Variants in KIAA1217 observed in about 807,000 individuals in gnomAD.
The protein encoded by KIAA1217 is KIAA1217.
A neutral mutation model predicts 163.9 loss-of-function variants in KIAA1217; 88 were observed. The observed-to-expected ratio is 0.54, with a 90% CI of 0.45 to 0.64. The LOEUF (loss-of-function observed/expected upper bound fraction) is 0.64. KIAA1217 is among the 30% of genes least tolerant of loss of function. KIAA1217 has a pLI of 0.00. For synonymous variants in KIAA1217, 903 were observed against 923.1 expected (o/e 0.98, Z 0.39); for missense variants, 2,372 against 2,475.0 (o/e 0.96, Z 0.88).
Position 24,501,452 on chromosome 10 carries a change from T to C in KIAA1217, c.1908T>C (p.Pro636=), listed in dbSNP as rs747144104. The C allele has an allele frequency of 6.2e-7, 1 of 1,614,074 alleles. No individual in the cohort carries two copies. Among genetic ancestry groups the C allele is most frequent in the Non-Finnish European group, 8.5e-7 (1 of 1,179,992 alleles). Residue 636 remains proline (P), a synonymous_variant, in exon 9 of 21, where the codon CCT becomes CCC. Transcript: ENST00000376454. ...ESTVPPSQPP[P]VGTSAIHMSL... ...CGGTGCCTCCCAGCCAGCCTCCACC[T>C]GTGGGCACCTCAGCCATCCACATGA...
At chr10:24,063,737 G>A (rs1277102044) in intron 2 of KIAA1217, among the ~76,000 whole-genome samples, 1 of 152,102 alleles carries the variant, frequency 6.6e-6, no homozygotes, top group Non-Finnish European at 1.5e-5. Context: ...TGGGTAGTAT[G>A]GCCATTTTCA....
intron 1 of KIAA1217, among the ~76,000 whole-genome samples, chr10:23,941,865 TC>T (rs1843783223): frequency 6.6e-6 from 1 of 152,100 alleles, no homozygotes; most frequent in Non-Finnish European, 1.5e-5. Flanking sequence ...CAATTCTATA[TC>T]CCAAGACTAA....
chr10:24,237,420 GAATT>G (rs1342904811), intron 2 of KIAA1217, among the ~76,000 whole-genome samples: 4 of 152,182 alleles, frequency 2.6e-5, no homozygotes, highest in Admixed American at 2.0e-4. Context: ...TTTCCCATCT[GAATT>G]CTTTCTGGAC....
At chr10:24,065,231 C>T (rs536044079) in intron 2 of KIAA1217, among the ~76,000 whole-genome samples, 17 of 151,748 alleles carry the variant, frequency 1.1e-4, no homozygotes, top group South Asian at 6.2e-4. Context: ...TTAATTGTGA[C>T]GTTAGGGTGT....
At position 24,078,471 on chromosome 10, in the gene KIAA1217, C is replaced by T. The variant is rs78598701; in HGVS notation, c.-171+71097C>T. Among the ~76,000 whole-genome samples the T allele has an allele frequency of 4.2e-3, 640 of 152,290 alleles. 2 individuals are homozygous for T. Among genetic ancestry groups the T allele is most frequent in the African/African-American group, 0.015 (618 of 41,562 alleles). On this transcript the variant is annotated intron_variant, in intron 2 of 18. Transcript: ENST00000376462. ...AAAGATAAAATCCATTAGCTTTACACGGCACACTTTTCTCTTGAGTGAGAA... is the reference window on the plus strand; with the variant it reads ...AAAGATAAAATCCATTAGCTTTACATGGCACACTTTTCTCTTGAGTGAGAA...
intron 6 of KIAA1217, among the ~76,000 whole-genome samples, chr10:24,486,216 C>G (rs2065375336): frequency 6.6e-6 from 1 of 152,170 alleles, no homozygotes; most frequent in African/African-American, 2.4e-5. Context: ...GTGGAGGGGG[C>G]CAGAGTGACC....
At chr10:24,494,384 T>G in intron 6 of KIAA1217, 116 bp from the exon 7 acceptor site, 1 of 779,644 alleles carries the variant, frequency 1.3e-6, no homozygotes, top group East Asian at 2.6e-5. Context: ...CCAGGTTGGG[T>G]GAACTTCCAC....
intron 1 of KIAA1217, among the ~76,000 whole-genome samples, chr10:23,761,407 C>T (rs955668945): frequency 2.0e-5 from 3 of 152,094 alleles, no homozygotes; most frequent in Non-Finnish European, 4.4e-5. Flanking sequence ...TATAAATTTC[C>T]CTCTTAACAG....
intron 1 of KIAA1217, among the ~76,000 whole-genome samples, chr10:23,846,037 G>A (rs1839010222): frequency 6.6e-6 from 1 of 152,150 alleles, no homozygotes; most frequent in African/African-American, 2.4e-5. Context: ...AGATCAGATG[G>A]TTGTAGATGT....
At chr10:24,197,495 A>G (rs545844328) in intron 2 of KIAA1217, among the ~76,000 whole-genome samples, 12 of 152,390 alleles carry the variant, frequency 7.9e-5, no homozygotes, top group African/African-American at 2.9e-4. Context: ...TATTTGTGGT[A>G]GCACTGACCA....
intron 2 of KIAA1217, among the ~76,000 whole-genome samples, chr10:24,109,098 T>C (rs540356753): frequency 3.3e-5 from 5 of 152,192 alleles, no homozygotes; most frequent in African/African-American, 4.8e-5. Context: ...CCCAAAGTGT[T>C]GGTATTACAG....
At chr10:23,770,350 T>C (rs1834738277) in intron 1 of KIAA1217, among the ~76,000 whole-genome samples, 1 of 152,214 alleles carries the variant, frequency 6.6e-6, no homozygotes, top group East Asian at 1.9e-4. Flanking sequence ...GCTATCTCTG[T>C]TGTTTAGGCT....
At chr10:24,004,869 G>T (rs527915861) in intron 1 of KIAA1217, among the ~76,000 whole-genome samples, 1 of 152,354 alleles carries the variant, frequency 6.6e-6, no homozygotes, top group Non-Finnish European at 1.5e-5. Context: ...GGCCAATCTA[G>T]TGGGAAGGAA....
At chr10:23,733,059 G>A (rs1838564664) in intron 1 of KIAA1217, among the ~76,000 whole-genome samples, 2 of 151,768 alleles carry the variant, frequency 1.3e-5, no homozygotes, top group South Asian at 4.2e-4. Flanking sequence ...TGTTGCCCAG[G>A]CTGGAGTGCA....
At chr10:23,803,446 C>A (rs1424025143) in intron 1 of KIAA1217, among the ~76,000 whole-genome samples, 1 of 152,214 alleles carries the variant, frequency 6.6e-6, no homozygotes. Flanking sequence ...ATGCCTCAAT[C>A]TGGGACATCT....
chr10:24,187,004 C>T (rs1027870161), intron 2 of KIAA1217, among the ~76,000 whole-genome samples: 1 of 152,168 alleles, frequency 6.6e-6, no homozygotes, highest in African/African-American at 2.4e-5. Flanking sequence ...CTATGTTTTT[C>T]GGCATCATCT....
intron 1 of KIAA1217, among the ~76,000 whole-genome samples, chr10:23,861,536 A>T (rs1338287552): frequency 6.6e-6 from 1 of 152,206 alleles, no homozygotes; most frequent in African/African-American, 2.4e-5. Flanking sequence ...GTGTGGGCCC[A>T]GTCTAATCCT....
At position 24,119,582 on chromosome 10, in the gene KIAA1217, A is replaced by G. The variant is rs557692432; in HGVS notation, c.-170-100044A>G. ...TTGAAGCCTCCTCAGAACTCCAGGA[A>G]TCCAGAGCTGTGAGGCTGATCTAGC... On this transcript the variant is annotated intron_variant, in intron 2 of 18. Transcript: ENST00000376462. 7.9e-5 allele frequency among the ~76,000 whole-genome samples: 12 copies of G among 152,324 alleles called. No individual in the cohort carries two copies. In the South Asian group the frequency reaches 2.5e-3, roughly 32 times the overall value.
chr10:23,819,621 C>G (rs374372522), intron 1 of KIAA1217, among the ~76,000 whole-genome samples: 27 of 152,306 alleles, frequency 1.8e-4, no homozygotes, highest in African/African-American at 6.3e-4. Flanking sequence ...AAACACTTAG[C>G]TCCTGTAGGA....
Sources: allele counts gnomAD v4.1 joint callset (sites outside exome capture counted in the v4.1 genomes callset), GRCh38; gene constraint gnomAD v4.1.1; transcripts MANE v1.5; gene names NCBI Gene and HGNC (gene_info 2026-07-23, HGNC 2026-07-21).